Variants in ERBB4 observed in about 807,000 individuals in gnomAD.
The protein encoded by ERBB4 is receptor tyrosine-protein kinase erbB-4.
Under a neutral mutation model 158.0 loss-of-function variants are expected in ERBB4, and 42 were observed. That is an observed-to-expected ratio of 0.27 (90% confidence interval 0.21 to 0.34). The LOEUF is 0.34. Among genes scored for constraint, ERBB4 ranks in the 10% least tolerant of loss-of-function variants. The probability of loss-of-function intolerance (pLI) is 1.00; values close to 1 mark genes in which losing one functional copy is unlikely to be tolerated. For missense variants in ERBB4, 1,333 were observed against 1,624.1 expected (o/e 0.82, Z 3.08); for synonymous variants, 583 against 558.7 (o/e 1.04, Z -0.61).
At chr2:211,405,487 T>C (rs2063128536) in intron 25 of ERBB4, among the ~76,000 whole-genome samples, 4 of 152,108 alleles carry the variant, frequency 2.6e-5, no homozygotes, top group Admixed American at 2.6e-4. Context: ...TCTCCACCTA[T>C]CCCCTATTAT....
At chr2:211,692,461 C>T (rs903053806) in intron 12 of ERBB4, among the ~76,000 whole-genome samples, 2 of 152,122 alleles carry the variant, frequency 1.3e-5, no homozygotes, top group African/African-American at 4.8e-5. Context: ...TACATTTAGT[C>T]TCTCATAGTT....
At chr2:211,510,506 T>C (rs1161853671) in intron 20 of ERBB4, among the ~76,000 whole-genome samples, 1 of 152,134 alleles carries the variant, frequency 6.6e-6, no homozygotes, top group Non-Finnish European at 1.5e-5. Flanking sequence ...CCATGTGCCA[T>C]TGACTCTTTA....
chr2:211,539,240 TG>T (rs1316745721), intron 20 of ERBB4, among the ~76,000 whole-genome samples: 1 of 151,930 alleles, frequency 6.6e-6, no homozygotes, highest in African/African-American at 2.4e-5. Flanking sequence ...CAAGTTATAT[TG>T]GTATATTAAT....
intron 20 of ERBB4, among the ~76,000 whole-genome samples, chr2:211,519,986 C>T (rs992339026): frequency 1.1e-4 from 17 of 152,252 alleles, no homozygotes; most frequent in African/African-American, 4.1e-4. Flanking sequence ...TCAGTGATAC[C>T]TCTTCCATGT....
At chr2:212,000,826 A>G (rs2076086417) in intron 2 of ERBB4, among the ~76,000 whole-genome samples, 1 of 151,954 alleles carries the variant, frequency 6.6e-6, no homozygotes. Context: ...ACAAGGAGAT[A>G]AACTTCATGC....
intron 3 of ERBB4, among the ~76,000 whole-genome samples, chr2:211,936,725 T>G (rs2080333773): frequency 6.6e-6 from 1 of 152,130 alleles, no homozygotes; most frequent in Admixed American, 6.5e-5. Context: ...ATAAGTATTT[T>G]TTCTGCCTTT....
intron 3 of ERBB4, among the ~76,000 whole-genome samples, chr2:211,836,208 A>G (rs755160225): frequency 7.9e-5 from 12 of 152,068 alleles, no homozygotes; most frequent in Admixed American, 2.6e-4. Flanking sequence ...GGAGTCCCCA[A>G]CATTAGCCTT....
intron 1 of ERBB4, among the ~76,000 whole-genome samples, chr2:212,204,293 C>A (rs550853603): frequency 1.4e-4 from 21 of 152,260 alleles, no homozygotes; most frequent in African/African-American, 4.8e-4. Context: ...TTTCCATTTC[C>A]TTTAAAAAAC....
chr2:212,274,788 T>C (rs1233552763), intron 1 of ERBB4, among the ~76,000 whole-genome samples: 1 of 151,898 alleles, frequency 6.6e-6, no homozygotes, highest in African/African-American at 2.4e-5. Context: ...ATTTTTTTAT[T>C]ACACTTTAAG....
intron 5 of ERBB4, among the ~76,000 whole-genome samples, chr2:211,740,769 C>A (rs534963296): frequency 6.6e-6 from 1 of 151,756 alleles, no homozygotes; most frequent in African/African-American, 2.4e-5. Context: ...CGCCACCACA[C>A]CCGACTAATT....
At chr2:211,394,211 A>AGTC (rs1272429524) in intron 25 of ERBB4, among the ~76,000 whole-genome samples, 2 of 152,196 alleles carry the variant, frequency 1.3e-5, no homozygotes, top group African/African-American at 4.8e-5. Flanking sequence ...TTATTAGCAC[A>AGTC]GTCAAAAAAG....
intron 3 of ERBB4, among the ~76,000 whole-genome samples, chr2:211,793,494 A>G (rs1208701503): frequency 1.3e-5 from 2 of 151,988 alleles, no homozygotes; most frequent in African/African-American, 4.8e-5. Context: ...GTCAAAGGGC[A>G]GAATCAAGAA....
chr2:211,566,273 C>G (rs1015783198), intron 19 of ERBB4, among the ~76,000 whole-genome samples: 18 of 152,080 alleles, frequency 1.2e-4, no homozygotes, highest in Admixed American at 3.3e-4. Flanking sequence ...TCCAATGGCT[C>G]AGAGAGAAGA....
At chr2:211,627,739 T>C (rs185180931) in intron 17 of ERBB4, among the ~76,000 whole-genome samples, 8 of 152,290 alleles carry the variant, frequency 5.3e-5, no homozygotes, top group African/African-American at 1.9e-4. Context: ...ATTGTTTAGA[T>C]AGGCACAGAT....
At chr2:212,178,062 T>A (rs549570252) in intron 1 of ERBB4, among the ~76,000 whole-genome samples, 1 of 151,484 alleles carries the variant, frequency 6.6e-6, no homozygotes, top group East Asian at 1.9e-4. Flanking sequence ...AAAGAGGGAA[T>A]GGAACAGTCC....
At chr2:212,292,748 G>A (rs1479084233) in intron 1 of ERBB4, among the ~76,000 whole-genome samples, 1 of 152,046 alleles carries the variant, frequency 6.6e-6, no homozygotes, top group Non-Finnish European at 1.5e-5. Flanking sequence ...TTAGTGAAAA[G>A]TTGTTTAGCC....
At chr2:212,052,017 A>G (rs900732345) in intron 2 of ERBB4, among the ~76,000 whole-genome samples, 1 of 152,154 alleles carries the variant, frequency 6.6e-6, no homozygotes, top group Admixed American at 6.5e-5. Flanking sequence ...TAGTGCTCCT[A>G]GGTGTGTCTG....
At chr2:211,615,764 G>T (rs889306264) in intron 19 of ERBB4, among the ~76,000 whole-genome samples, 5 of 152,066 alleles carry the variant, frequency 3.3e-5, no homozygotes, top group African/African-American at 1.2e-4. Flanking sequence ...GTATTAAGTT[G>T]CCACATTTGT....
chr2:211,893,319 C>T (rs1247740572), intron 3 of ERBB4, among the ~76,000 whole-genome samples: 2 of 144,504 alleles, frequency 1.4e-5, no homozygotes, highest in Admixed American at 6.8e-5. Context: ...AAAGGATTCC[C>T]TATTTAATAA....
Sources: gnomAD v4.1 joint callset for allele counts (sites outside exome capture counted in the v4.1 genomes callset) on GRCh38, gnomAD v4.1.1 for gene constraint, MANE v1.5 for transcripts, NCBI Gene and HGNC (gene_info 2026-07-23, HGNC 2026-07-21) for gene names.